TBC1D22B: variants seen among roughly 807,000 people sequenced by gnomAD.
TBC1D22B encodes the protein chromosome 6 open reading frame 197.
In TBC1D22B, 32 loss-of-function variants were observed where a neutral mutation model predicts 69.1. That is an observed-to-expected ratio of 0.46 (90% confidence interval 0.35 to 0.62). The LOEUF (loss-of-function observed/expected upper bound fraction) is 0.62. TBC1D22B is among the 20% of genes least tolerant of loss of function. The probability of loss-of-function intolerance (pLI) is 0.00; values close to 1 mark genes in which losing one functional copy is unlikely to be tolerated. For synonymous variants in TBC1D22B, 206 were observed against 229.8 expected (o/e 0.90, Z 0.94); for missense variants, 462 against 630.9 (o/e 0.73, Z 2.87).
intron 1 of TBC1D22B, among the ~76,000 whole-genome samples, chr6:37,268,982 C>T (rs1056401931): frequency 1.1e-4 from 16 of 152,214 alleles, no homozygotes; most frequent in Middle Eastern, 3.4e-3. Flanking sequence ...GGGGCTAAGA[C>T]GAGCCATGGT....
intron 1 of TBC1D22B, among the ~76,000 whole-genome samples, chr6:37,269,029 T>C (rs559966294): frequency 2.6e-5 from 4 of 152,308 alleles, no homozygotes; most frequent in East Asian, 1.9e-4. Context: ...CTAATACATA[T>C]ATGTATATAT....
At chr6:37,316,980 A>G (rs1768103387) in intron 11 of TBC1D22B, 131 bp from the exon 12 acceptor site, 1 of 1,479,634 alleles carries the variant, frequency 6.8e-7, no homozygotes, top group Non-Finnish European at 9.2e-7. Context: ...GGCCTTTGCT[A>G]AGTCTCTTCA....
Position 37,313,901 on chromosome 6 carries a change from G to C in TBC1D22B, c.1165+10G>C. 1 of 1,613,492 alleles carries C rather than the reference G, an allele frequency of 6.2e-7. No individual in the cohort carries two copies. Among genetic ancestry groups the C allele is most frequent in the Non-Finnish European group, 8.5e-7 (1 of 1,179,392 alleles). Reference sequence around the variant, plus strand: ...GTCAGCCGGATTGATGGTAGGTTCAGAGGGAGAAGAGTTCTCTAGCAATAG... The same window carrying C: ...GTCAGCCGGATTGATGGTAGGTTCACAGGGAGAAGAGTTCTCTAGCAATAG... On this transcript the variant is annotated intron_variant, in intron 10 of 12. Transcript: ENST00000373491.
At chr6:37,284,707 C>G (rs547357147) in intron 6 of TBC1D22B, among the ~76,000 whole-genome samples, 6 of 152,304 alleles carry the variant, frequency 3.9e-5, no homozygotes, top group African/African-American at 1.4e-4. Flanking sequence ...AATGTACATA[C>G]AAATCACCTA....
At chr6:37,320,723 C>T (rs952648499) in intron 12 of TBC1D22B, among the ~76,000 whole-genome samples, 1 of 152,164 alleles carries the variant, frequency 6.6e-6, no homozygotes, top group Non-Finnish European at 1.5e-5. Flanking sequence ...TGTCTAGGGC[C>T]GCTGCCTGGC....
chr6:37,271,214 G>A (rs1766473778), intron 2 of TBC1D22B, among the ~76,000 whole-genome samples: 2 of 152,160 alleles, frequency 1.3e-5, no homozygotes, highest in Admixed American at 6.5e-5. Context: ...TCCGGAGGCT[G>A]AGGCAGGAGA....
chr6:37,275,091 C>T (rs556865478), intron 2 of TBC1D22B, among the ~76,000 whole-genome samples: 4 of 152,118 alleles, frequency 2.6e-5, no homozygotes, highest in Admixed American at 6.5e-5. Flanking sequence ...GACTTCAAGC[C>T]ACACTGTGGC....
Position 37,332,360 on chromosome 6 carries a change from A to C in TBC1D22B, c.*1188A>C. On this transcript the variant is annotated 3_prime_UTR_variant, in exon 13 of 13. Coordinates refer to ENST00000373491, the MANE Select transcript of TBC1D22B (RefSeq NM_017772.4). The stretch of plus-strand genomic sequence containing the variant: ...CTGCAGAGGCGGGCAAGCCCTCTCT[A>C]TGTGTTTTTATCCCCACCTTCCCCG... 1 of 151,918 alleles carries C rather than the reference A, an allele frequency of 6.6e-6. No individual in the cohort carries two copies. Among genetic ancestry groups the C allele is most frequent in the African/African-American group, 2.4e-5 (1 of 41,156 alleles). 9.4% of individuals were successfully genotyped at this position (151,918 alleles called of 1,614,324 possible).
In TBC1D22B at chr6:37,271,893, G is replaced by C. The variant is rs1333378403; in HGVS notation, c.113+2243G>C. ...TTAAATCAGAAACCACTATTGTATA[G>C]ATTTCTTGAGAGCAGGGACTTTGTT... On this transcript the variant is annotated intron_variant, in intron 2 of 12. Coordinates refer to ENST00000373491, the MANE Select transcript of TBC1D22B (RefSeq NM_017772.4). 2.8e-5 allele frequency among the ~76,000 whole-genome samples: 4 copies of C among 141,118 alleles called. No individual in the cohort carries two copies. In the East Asian group the frequency reaches 8.4e-4, roughly 30 times the overall value. The allele number at this position is 141,118 out of a possible 152,430, so 92.6% of individuals were successfully genotyped here. A position where few individuals can be genotyped will look rare whatever the true frequency, so the allele number is the denominator to read the frequency against.
At chr6:37,281,374 A>T (rs1032789423) in intron 3 of TBC1D22B, among the ~76,000 whole-genome samples, 1 of 152,096 alleles carries the variant, frequency 6.6e-6, no homozygotes, top group African/African-American at 2.4e-5. Context: ...TATTCCCCCT[A>T]CCCACTATCT....
rs777955542 is a variant in TBC1D22B at position 37,279,493 on chromosome 6, A to G, written c.303A>G (p.Leu101=). 10 of 1,614,096 alleles carry G rather than the reference A, an allele frequency of 6.2e-6. No homozygotes were observed. The African/African-American group carries it at 1.1e-4, about 17-fold the overall frequency. Residue 101 remains leucine (L), a synonymous_variant, in exon 3 of 13, where the codon CTA becomes CTG. Coordinates refer to ENST00000373491, the MANE Select transcript of TBC1D22B (RefSeq NM_017772.4). ...KVALATAAQV[L]ENHSKLRVKP... ...CTTTGGCAACTGCAGCCCAAGTTCTAGAAAACCACAGCAAGCTGAGAGTAA... is the reference window on the plus strand; with the variant it reads ...CTTTGGCAACTGCAGCCCAAGTTCTGGAAAACCACAGCAAGCTGAGAGTAA...
intron 8 of TBC1D22B, among the ~76,000 whole-genome samples, chr6:37,300,840 CTTAACAA>C (rs1364445915): frequency 6.6e-6 from 1 of 152,164 alleles, no homozygotes; most frequent in Non-Finnish European, 1.5e-5. Context: ...GGTCTACCCT[CTTAACAA>C]ATTTTGAGGT....
intron 1 of TBC1D22B, among the ~76,000 whole-genome samples, chr6:37,258,957 CT>C (rs11379139): frequency 4.8e-5 from 7 of 145,156 alleles, no homozygotes; most frequent in East Asian, 2.0e-4. Context: ...GAACTCGTGA[CT>C]TTTTTTTTTT....
intron 1 of TBC1D22B, among the ~76,000 whole-genome samples, chr6:37,261,853 GGTGAATCTCC>G (rs1169848505): frequency 2.0e-5 from 3 of 151,536 alleles, no homozygotes; most frequent in Non-Finnish European, 2.9e-5. Context: ...TGGCCAACAT[GGTGAATCTCC>G]GTCTCTACTA....
Position 37,331,518 on chromosome 6 carries a change from C to T in TBC1D22B, c.*346C>T, listed in dbSNP as rs899841011. 14 of 175,778 alleles carry T rather than the reference C, an allele frequency of 8.0e-5. No homozygotes were observed. The highest frequency in any genetic ancestry group is 2.9e-4 in the East Asian group (2 of 6,816). 10.9% of individuals were successfully genotyped at this position (175,778 alleles called of 1,614,324 possible). A position where few individuals can be genotyped will look rare whatever the true frequency, so the allele number is the denominator to read the frequency against. On this transcript the variant is annotated 3_prime_UTR_variant, in exon 13 of 13. Transcript: ENST00000373491. ...ACAAGGACAGGCCCCAACTGATAAC[C>T]GTTGCTTTTTTTTTTTTGTGAACAT... is the stretch of plus-strand genomic sequence containing the variant.
intron 8 of TBC1D22B, among the ~76,000 whole-genome samples, chr6:37,301,137 C>T (rs1313338437): frequency 6.6e-6 from 1 of 152,138 alleles, no homozygotes; most frequent in Non-Finnish European, 1.5e-5. Context: ...TGAGAATCAA[C>T]TTTTGTCAAA....
chr6:37,324,770 GTA>G (rs1768345772), intron 12 of TBC1D22B, among the ~76,000 whole-genome samples: 1 of 152,186 alleles, frequency 6.6e-6, no homozygotes, highest in South Asian at 2.1e-4. Context: ...AGGGCAGGCA[GTA>G]TATAGTCTAG....
intron 12 of TBC1D22B, among the ~76,000 whole-genome samples, chr6:37,318,212 G>A (rs1424304795): frequency 6.6e-6 from 1 of 152,220 alleles, no homozygotes; most frequent in Non-Finnish European, 1.5e-5. Flanking sequence ...TAGTGACAGT[G>A]GAGGTGTGAG....
intron 8 of TBC1D22B, among the ~76,000 whole-genome samples, chr6:37,295,261 TA>T (rs147345356): frequency 6.6e-6 from 1 of 152,136 alleles, no homozygotes; most frequent in Non-Finnish European, 1.5e-5. Flanking sequence ...TGCGCCACCA[TA>T]CCCAGCCAAT....
Sources: allele counts gnomAD v4.1 joint callset (sites outside exome capture counted in the v4.1 genomes callset), GRCh38; gene constraint gnomAD v4.1.1; transcripts MANE v1.5; gene names NCBI Gene and HGNC (gene_info 2026-07-23, HGNC 2026-07-21).